PTPRT: variants seen among roughly 807,000 people sequenced by gnomAD.
PTPRT encodes protein tyrosine phosphatase receptor type T.
A neutral mutation model predicts 176.8 loss-of-function variants in PTPRT; 56 were observed. The ratio of observed to expected loss-of-function variants is 0.32; its 90% confidence interval spans 0.26 to 0.40. The LOEUF (loss-of-function observed/expected upper bound fraction) is 0.40, where lower values mean the gene tolerates loss of function less well. Ranked by LOEUF, PTPRT falls within the 10% of genes least tolerant of loss-of-function variation. The pLI, the probability that PTPRT is intolerant of heterozygous loss-of-function variation, is 1.00. For synonymous variants in PTPRT, 783 were observed against 739.0 expected, an observed-to-expected ratio of 1.06 and a Z score of -0.96; for missense variants, 1,540 against 1,908.2, an observed-to-expected ratio of 0.81 and a Z score of 3.60.
rs1333434684 is a variant in PTPRT at position 42,073,498 on chromosome 20, A to G, written c.*7381T>C. 1 of 208,512 alleles carries G rather than the reference A, an allele frequency of 4.8e-6. No individual in the cohort carries two copies. Among genetic ancestry groups the G allele is most frequent in the Non-Finnish European group, 9.8e-6 (1 of 102,144 alleles). 12.9% of individuals were successfully genotyped at this position (208,512 alleles called of 1,614,324 possible). The stretch of plus-strand genomic sequence containing the variant: ...ACCTCTGGAGATAATGTGTATGGTA[A>G]GAAAAGCCCTGCTCTGTGTCCTACT... On this transcript the variant is annotated 3_prime_UTR_variant, in exon 31 of 31. Coordinates refer to ENST00000373187, the MANE Select transcript of PTPRT (RefSeq NM_007050.6).
intron 2 of PTPRT, among the ~76,000 whole-genome samples, chr20:42,882,834 C>G (rs990089681): frequency 1.3e-5 from 2 of 152,178 alleles, no homozygotes; most frequent in Non-Finnish European, 2.9e-5. Flanking sequence ...CAAGGTGCAA[C>G]GGGAACCATT....
intron 1 of PTPRT, among the ~76,000 whole-genome samples, chr20:43,035,963 T>C (rs1986360976): frequency 6.6e-6 from 1 of 152,128 alleles, no homozygotes. Flanking sequence ...ATACACTGGA[T>C]ACCATCCCTG....
intron 1 of PTPRT, among the ~76,000 whole-genome samples, chr20:43,164,564 G>T (rs1262036699): frequency 6.6e-6 from 1 of 152,158 alleles, no homozygotes; most frequent in East Asian, 1.9e-4. Flanking sequence ...GGGAGACAGA[G>T]GTGTTGACTA....
intron 26 of PTPRT, among the ~76,000 whole-genome samples, chr20:42,099,378 G>A (rs924214994): frequency 1.3e-5 from 2 of 152,106 alleles, no homozygotes; most frequent in African/African-American, 4.8e-5. Context: ...ACAAGAGCCG[G>A]AACGTAAGCC....
intron 9 of PTPRT, among the ~76,000 whole-genome samples, chr20:42,373,945 G>A (rs1023451833): frequency 6.6e-6 from 1 of 152,208 alleles, no homozygotes; most frequent in South Asian, 2.1e-4. Context: ...CGGAGAACCT[G>A]AGCTGAGGCC....
chr20:42,067,000 A>G, the PTPRT span, among the ~76,000 whole-genome samples: 1 of 152,138 alleles, frequency 6.6e-6, no homozygotes, highest in East Asian at 1.9e-4. Flanking sequence ...AGGCAGGCAC[A>G]TTCTCTCATT....
At chr20:42,405,865 A>C (rs1206616697) in intron 9 of PTPRT, among the ~76,000 whole-genome samples, 1 of 152,116 alleles carries the variant, frequency 6.6e-6, no homozygotes, top group South Asian at 2.1e-4. Flanking sequence ...TTGTTTCCTG[A>C]CTTTTTAATG....
At chr20:42,091,370 A>C (rs1984601486) in intron 27 of PTPRT, among the ~76,000 whole-genome samples, 1 of 152,206 alleles carries the variant, frequency 6.6e-6, no homozygotes, top group Non-Finnish European at 1.5e-5. Flanking sequence ...CACTGGAATA[A>C]ACATGCTCCG....
intron 7 of PTPRT, among the ~76,000 whole-genome samples, chr20:42,564,207 G>A (rs2073001469): frequency 6.6e-6 from 1 of 152,316 alleles, no homozygotes. Flanking sequence ...GAAAGAAACA[G>A]CAAAATTCTA....
At chr20:42,656,926 C>A (rs770635596) in intron 7 of PTPRT, among the ~76,000 whole-genome samples, 1 of 152,118 alleles carries the variant, frequency 6.6e-6, no homozygotes. Flanking sequence ...ATCACTCCAA[C>A]ACTGACAAAT....
intron 1 of PTPRT, among the ~76,000 whole-genome samples, chr20:43,092,599 T>C (rs11908483): frequency 0.052 from 7,952 of 152,266 alleles, 716 homozygotes; most frequent in African/African-American, 0.18. Flanking sequence ...TGTGGTTGAG[T>C]GCAACCATGT....
chr20:42,609,031 C>G (rs2073929761), intron 7 of PTPRT, among the ~76,000 whole-genome samples: 1 of 152,108 alleles, frequency 6.6e-6, no homozygotes, highest in Admixed American at 6.5e-5. Flanking sequence ...CAGACACCCA[C>G]CCCGTCTCTA....
chr20:42,259,551 G>A (rs1208111302), intron 13 of PTPRT, among the ~76,000 whole-genome samples: 1 of 152,242 alleles, frequency 6.6e-6, no homozygotes, highest in Non-Finnish European at 1.5e-5. Flanking sequence ...CTGGGGTAGA[G>A]AGAGGATTCA....
At chr20:42,320,547 C>T (rs1322599096) in intron 11 of PTPRT, among the ~76,000 whole-genome samples, 1 of 152,170 alleles carries the variant, frequency 6.6e-6, no homozygotes. Context: ...CACGTTCTCC[C>T]AGAAGGAGGC....
rs529591402 is a variant in PTPRT at position 42,262,994 on chromosome 20, T to G, written c.2177-14172A>C. ...CCTAGAGGATGAGTAAGGCAAACCA[T>G]AGAGGGAGAACATCTCAGCAGAGAG... On this transcript the variant is annotated intron_variant, in intron 13 of 30. Coordinates refer to ENST00000373187, the MANE Select transcript of PTPRT (RefSeq NM_007050.6). Among the ~76,000 whole-genome samples the G allele has an allele frequency of 5.5e-4, 83 of 151,998 alleles. 1 individual carries two copies. The highest frequency in any genetic ancestry group is 2.3e-3 in the Admixed American group (35 of 15,274).
chr20:43,166,210 C>T (rs1011682419), intron 1 of PTPRT, among the ~76,000 whole-genome samples: 10 of 151,884 alleles, frequency 6.6e-5, no homozygotes, highest in African/African-American at 2.4e-4. Context: ...ACCTGTAATC[C>T]CAGCTACTCG....
chr20:43,150,106 C>T (rs1006960373), intron 1 of PTPRT, among the ~76,000 whole-genome samples: 3 of 152,120 alleles, frequency 2.0e-5, no homozygotes, highest in Non-Finnish European at 1.5e-5. Flanking sequence ...TCCCATAAAA[C>T]CTTGGAAGTA....
intron 18 of PTPRT, among the ~76,000 whole-genome samples, chr20:42,140,290 C>T (rs1220020636): frequency 2.0e-5 from 3 of 152,140 alleles, no homozygotes; most frequent in Admixed American, 6.5e-5. Flanking sequence ...ATGTTCCCCA[C>T]ACCATTGGTG....
At chr20:42,850,551 A>G (rs1326630749) in intron 2 of PTPRT, among the ~76,000 whole-genome samples, 1 of 152,182 alleles carries the variant, frequency 6.6e-6, no homozygotes, top group Admixed American at 6.5e-5. Flanking sequence ...TGTGCCTTCT[A>G]CAGGCGAGTC....
Sources: gnomAD v4.1 joint callset for allele counts (sites outside exome capture counted in the v4.1 genomes callset) on GRCh38, gnomAD v4.1.1 for gene constraint, MANE v1.5 for transcripts, NCBI Gene and HGNC (gene_info 2026-07-23, HGNC 2026-07-21) for gene names.